NUP210L: variants seen among roughly 807,000 people sequenced by gnomAD.
The protein encoded by NUP210L is nucleoporin 210 like, also known as nuclear pore membrane glycoprotein 210-like.
In NUP210L, 74 loss-of-function variants were observed where a neutral mutation model predicts 208.5. The ratio of observed to expected loss-of-function variants is 0.35; its 90% CI spans 0.29 to 0.43. The LOEUF is 0.43. Among genes scored for constraint, NUP210L ranks in the 20% least tolerant of loss-of-function variants. NUP210L has a pLI of 1.00. For missense variants in NUP210L, 1,843 were observed against 2,289.4 expected (o/e 0.81, Z 3.98); for synonymous variants, 780 against 816.9 (o/e 0.95, Z 0.77).
intron 16 of NUP210L, 62 bp from the exon 17 acceptor site, chr1:154,070,527 A>G (rs1654657883): frequency 9.0e-7 from 1 of 1,105,220 alleles, no homozygotes; most frequent in South Asian, 2.0e-5. Flanking sequence ...AGGGGTAGTA[A>G]GATATCTCTA....
chr1:154,066,814 C>A (rs1654444833), intron 17 of NUP210L, among the ~76,000 whole-genome samples: 3 of 152,142 alleles, frequency 2.0e-5, no homozygotes, highest in Admixed American at 1.3e-4. Context: ...CTATAAACAC[C>A]TCTACGCAAA....
chr1:154,017,392 AG>A (rs1490556678), intron 33 of NUP210L, among the ~76,000 whole-genome samples: 1 of 80,138 alleles, frequency 1.2e-5, no homozygotes. Flanking sequence ...CTCAATTTTC[AG>A]CTTAACCCAT....
intron 17 of NUP210L, among the ~76,000 whole-genome samples, chr1:154,066,993 A>C (rs1654456047): frequency 6.6e-6 from 1 of 152,240 alleles, no homozygotes; most frequent in African/African-American, 2.4e-5. Flanking sequence ...ACGGATTCAC[A>C]GCTGAATTCT....
chr1:154,009,829 T>G, intron 35 of NUP210L, 143 bp downstream of exon 35: 1 of 607,740 alleles, frequency 1.6e-6, no homozygotes, highest in Non-Finnish European at 2.6e-6. Context: ...GTTGAACGGG[T>G]TGAACAAAAA....
At chr1:154,075,418 T>C (rs1430367472) in intron 16 of NUP210L, among the ~76,000 whole-genome samples, 1 of 151,996 alleles carries the variant, frequency 6.6e-6, no homozygotes, top group Non-Finnish European at 1.5e-5. Flanking sequence ...AAATTTAACA[T>C]AATCTCAATT....
Position 154,042,021 on chromosome 1 carries a change from A to C in NUP210L, c.3696+4048T>G, listed in dbSNP as rs547311567. On this transcript the variant is annotated intron_variant, in intron 27 of 39. Transcript: ENST00000368559. Reference sequence around the variant, plus strand: ...GAGTGGTTTATAATTGTTTAATCCAAATGAACCTCTCAATGTTGGCATTTC... The same window carrying C: ...GAGTGGTTTATAATTGTTTAATCCACATGAACCTCTCAATGTTGGCATTTC... 1.7e-4 allele frequency among the ~76,000 whole-genome samples: 26 copies of C among 152,296 alleles called. No homozygotes were observed. The South Asian group carries it at 5.0e-3, about 29-fold the overall frequency.
In NUP210L at chr1:154,154,901, G is replaced by T. The variant is rs773559155; in HGVS notation, c.144C>A (p.Phe48Leu). 4 of 1,614,102 alleles carry T rather than the reference G, an allele frequency of 2.5e-6. No homozygotes were observed. In the African/African-American group the frequency reaches 4.0e-5, roughly 16 times the overall value. Reference sequence around the variant, plus strand: ...AAGGCACCCGGCCTGGCTCTCGGCCGAAGGGTAGCAACACCTGTGGCACGT... The same window carrying T: ...AAGGCACCCGGCCTGGCTCTCGGCCTAAGGGTAGCAACACCTGTGGCACGT... Residue 48 changes from phenylalanine (F) to leucine (L), a missense_variant, in exon 1 of 40, where the codon TTC (phenylalanine) becomes TTA (leucine). Phe to Leu is a conservative substitution (Grantham distance 22, BLOSUM62 0). Around this residue, in one of 5 missense-constraint regions of NUP210L, gnomAD observed 542 missense variants for 606.4 expected, o/e 0.89. Coordinates refer to ENST00000368559, the Ensembl canonical transcript of NUP210L.
At chr1:154,088,540 TA>T (rs1200740031) in intron 16 of NUP210L, among the ~76,000 whole-genome samples, 1 of 152,120 alleles carries the variant, frequency 6.6e-6, no homozygotes, top group Admixed American at 6.6e-5. Context: ...CAGAGTGCTC[TA>T]AAAAAATAGT....
intron 17 of NUP210L, among the ~76,000 whole-genome samples, chr1:154,064,106 C>T (rs931374477): frequency 4.0e-5 from 6 of 151,134 alleles, no homozygotes; most frequent in Non-Finnish European, 8.8e-5. Flanking sequence ...CTATGTTGCC[C>T]AAGCTGGTCT....
chr1:153,992,810 T>A, exon 40 of NUP210L: 1 of 1,498,246 alleles, frequency 6.7e-7, no homozygotes, highest in Non-Finnish European at 9.1e-7. Context: ...CCCCTGCAGT[T>A]AAGAGAAACT....
At chr1:154,061,555 T>G in intron 18 of NUP210L, 31 bp downstream of exon 18, 1 of 1,237,798 alleles carries the variant, frequency 8.1e-7, no homozygotes, top group Non-Finnish European at 1.2e-6. Context: ...ATTATTTAAT[T>G]TATATTTCTT....
intron 37 of NUP210L, chr1:153,996,010 C>T (rs1330954572): frequency 3.5e-5 from 13 of 375,606 alleles, no homozygotes; most frequent in South Asian, 1.0e-4. Context: ...AAAAAAAATG[C>T]GGCCTGGCGT....
chr1:154,016,824 G>A (rs1651272141), intron 33 of NUP210L, among the ~76,000 whole-genome samples: 2 of 151,866 alleles, frequency 1.3e-5, no homozygotes, highest in Non-Finnish European at 2.9e-5. Flanking sequence ...AAATTAGCTG[G>A]GCATGGCGGC....
Position 154,099,978 on chromosome 1 carries a change from C to T in NUP210L, c.1965+20G>A. On this transcript the variant is annotated intron_variant, in intron 14 of 39. Transcript: ENST00000368559. The stretch of plus-strand genomic sequence containing the variant: ...AGTCCATTAAAAGAAATGCCAGTTC[C>T]TTACCATGAAATATCTTACCTTTAG... 6.2e-7 allele frequency: 1 copy of T among 1,613,192 alleles called. No homozygotes were observed. Among genetic ancestry groups the T allele is most frequent in the Non-Finnish European group, 8.5e-7 (1 of 1,179,204 alleles).
chr1:154,051,780 C>T (rs1361646640), intron 25 of NUP210L, among the ~76,000 whole-genome samples: 6 of 152,208 alleles, frequency 3.9e-5, no homozygotes, highest in Admixed American at 2.6e-4. Flanking sequence ...GGGCTACAGG[C>T]CAATCAAGAG....
At chr1:154,147,079 A>G (rs995948327) in intron 2 of NUP210L, among the ~76,000 whole-genome samples, 1 of 152,170 alleles carries the variant, frequency 6.6e-6, no homozygotes, top group Admixed American at 6.5e-5. Context: ...GCTAGGCTTC[A>G]TGACCCCTTT....
chr1:154,033,597 T>C (rs1480881726), intron 27 of NUP210L, among the ~76,000 whole-genome samples: 1 of 152,208 alleles, frequency 6.6e-6, no homozygotes, highest in Non-Finnish European at 1.5e-5. Flanking sequence ...TTCTGTTCCA[T>C]TGGTCTATAT....
intron 16 of NUP210L, among the ~76,000 whole-genome samples, chr1:154,077,133 G>T (rs963354685): frequency 1.3e-5 from 2 of 152,048 alleles, no homozygotes; most frequent in Non-Finnish European, 2.9e-5. Flanking sequence ...TTAGCACTTT[G>T]GGGGGCCGAG....
chr1:154,003,173 G>T (rs1290011120), intron 35 of NUP210L, among the ~76,000 whole-genome samples: 1 of 150,900 alleles, frequency 6.6e-6, no homozygotes, highest in Non-Finnish European at 1.5e-5. Context: ...ACCATGCCTG[G>T]CTAATTTTTA....
Sources: allele counts gnomAD v4.1 joint callset (sites outside exome capture counted in the v4.1 genomes callset), GRCh38; gene constraint gnomAD v4.1.1; regional missense constraint gnomAD v4.1.1; transcripts MANE v1.5; gene names NCBI Gene and HGNC (gene_info 2026-07-23, HGNC 2026-07-21).